The following CRACD variants were observed in gnomAD, a reference collection of about 807,000 sequenced individuals.
CRACD encodes capping protein inhibiting regulator of actin dynamics.
Under a neutral mutation model 106.8 loss-of-function variants are expected in CRACD, and 56 were observed. The ratio of observed to expected loss-of-function variants is 0.52; its 90% CI spans 0.42 to 0.66. The LOEUF (loss-of-function observed/expected upper bound fraction) is 0.66. Among genes scored for constraint, CRACD ranks in the 30% least tolerant of loss-of-function variants. CRACD has a pLI of 0.00. For synonymous variants in CRACD, 754 were observed against 670.8 expected (o/e 1.12, Z -1.92); for missense variants, 1,730 against 1,623.2 (o/e 1.07, Z -1.13).
rs538189495 is a variant in CRACD, at chr4:56,064,737, CAT to C, written c.-336+15439_-336+15440del. Among the ~76,000 whole-genome samples the C allele has an allele frequency of 8.5e-5, 13 of 152,320 alleles. No homozygotes were observed. The South Asian group carries it at 2.7e-3, about 32-fold the overall frequency. ...CTTTCACTCCCTCACACATTGTTCA[CAT>C]GTGTAGCTTCGAGTCTCTACCTTAA... On this transcript the variant is annotated intron_variant, in intron 1 of 10. Transcript: ENST00000682029.
intron 2 of CRACD, among the ~76,000 whole-genome samples, chr4:56,192,100 A>C (rs1737395787): frequency 6.6e-6 from 1 of 152,212 alleles, no homozygotes; most frequent in Non-Finnish European, 1.5e-5. Flanking sequence ...TTTATTCAAG[A>C]AGGTATACTG....
intron 1 of CRACD, among the ~76,000 whole-genome samples, chr4:56,050,474 AT>A (rs1198469710): frequency 1.3e-5 from 2 of 152,166 alleles, no homozygotes; most frequent in Admixed American, 1.3e-4. Context: ...ACCTATAGTA[AT>A]TGTGGAATTA....
chr4:56,247,221 A>G (rs1309277248), intron 2 of CRACD, among the ~76,000 whole-genome samples: 1 of 152,152 alleles, frequency 6.6e-6, no homozygotes, highest in African/African-American at 2.4e-5. Context: ...ATATAAGCTA[A>G]GAGTTGGGGC....
At chr4:56,188,094 C>T (rs1325835891) in intron 2 of CRACD, among the ~76,000 whole-genome samples, 3 of 152,152 alleles carry the variant, frequency 2.0e-5, no homozygotes, top group African/African-American at 4.8e-5. Context: ...TCACTGGGCA[C>T]ATATTTTAAG....
chr4:56,205,182 A>T (rs1200055056), intron 2 of CRACD, among the ~76,000 whole-genome samples: 1 of 152,090 alleles, frequency 6.6e-6, no homozygotes, highest in Admixed American at 6.5e-5. Context: ...ATAATTAAAA[A>T]GACATCAGAT....
At chr4:56,190,657 C>T (rs1196519750) in intron 2 of CRACD, among the ~76,000 whole-genome samples, 1 of 152,124 alleles carries the variant, frequency 6.6e-6, no homozygotes, top group African/African-American at 2.4e-5. Context: ...TTGAAGGGTA[C>T]AGCCTCCTCC....
Position 56,093,849 on chromosome 4 carries a change from C to T in CRACD, c.-336+44550C>T, listed in dbSNP as rs190944371. On this transcript the variant is annotated intron_variant, in intron 1 of 10. Transcript: ENST00000682029. The stretch of plus-strand genomic sequence containing the variant: ...CTGATGCCTTTTATTTTGGCAGAAA[C>T]GCAAAGGCCTTTCCTTCTCAGGTGG... 8.5e-5 allele frequency among the ~76,000 whole-genome samples: 13 copies of T among 152,264 alleles called. No individual in the cohort carries two copies. The East Asian group carries it at 2.5e-3, about 29-fold the overall frequency.
intron 3 of CRACD, among the ~76,000 whole-genome samples, chr4:56,284,280 C>G (rs1354769134): frequency 1.2e-5 from 1 of 85,434 alleles, no homozygotes; most frequent in Non-Finnish European, 2.3e-5. Context: ...ATAGTAAGAA[C>G]CCATCCTAAA....
chr4:56,067,305 G>A (rs1328903355), intron 1 of CRACD, among the ~76,000 whole-genome samples: 1 of 152,200 alleles, frequency 6.6e-6, no homozygotes. Context: ...GAGTATTACA[G>A]ATAAGGAGCT....
chr4:56,306,693 T>G (rs1464343255), intron 4 of CRACD, among the ~76,000 whole-genome samples: 1 of 152,206 alleles, frequency 6.6e-6, no homozygotes, highest in Non-Finnish European at 1.5e-5. Context: ...TTTGCTTTTC[T>G]AATCTGGCCT....
chr4:56,255,415 CAT>C (rs1278596026), intron 2 of CRACD, among the ~76,000 whole-genome samples: 2 of 151,888 alleles, frequency 1.3e-5, no homozygotes, highest in Non-Finnish European at 2.9e-5. Flanking sequence ...AATGTAAAGA[CAT>C]AGAAACCTTG....
chr4:56,146,523 C>T (rs1735386595), intron 1 of CRACD, among the ~76,000 whole-genome samples: 2 of 150,886 alleles, frequency 1.3e-5, no homozygotes, highest in Admixed American at 6.6e-5. Context: ...CACCCATTAA[C>T]TCGTCATTTA....
chr4:56,123,744 A>AC (rs138202701), intron 1 of CRACD, among the ~76,000 whole-genome samples: 213 of 151,916 alleles, frequency 1.4e-3, no homozygotes, highest in Middle Eastern at 3.4e-3. Context: ...CCACAGTAGT[A>AC]CCCCCCCTAC....
At chr4:56,189,185 A>G (rs937647713) in intron 2 of CRACD, among the ~76,000 whole-genome samples, 2 of 148,208 alleles carry the variant, frequency 1.3e-5, no homozygotes, top group East Asian at 3.9e-4. Context: ...CACTGTCTCA[A>G]AAAAAAAAAA....
At chr4:56,186,958 C>T (rs999838868) in intron 2 of CRACD, among the ~76,000 whole-genome samples, 2 of 151,962 alleles carry the variant, frequency 1.3e-5, no homozygotes, top group East Asian at 3.9e-4. Context: ...CCCAGCTACT[C>T]ACAGGGAGAC....
At chr4:56,121,886 A>G (rs1362914381) in intron 1 of CRACD, among the ~76,000 whole-genome samples, 1 of 152,230 alleles carries the variant, frequency 6.6e-6, no homozygotes, top group Non-Finnish European at 1.5e-5. Context: ...GATTGCAGCA[A>G]TTGTTTAGAA....
chr4:56,300,167 T>G (rs1015789574), intron 4 of CRACD, among the ~76,000 whole-genome samples: 1 of 152,182 alleles, frequency 6.6e-6, no homozygotes, highest in Admixed American at 6.5e-5. Flanking sequence ...TGTGAGGTGT[T>G]CTTGTTTCTA....
chr4:56,142,947 C>T (rs1439349426), intron 1 of CRACD, among the ~76,000 whole-genome samples: 1 of 151,790 alleles, frequency 6.6e-6, no homozygotes, highest in Admixed American at 6.6e-5. Context: ...GTGTTATATT[C>T]CATTTTACCA....
intron 3 of CRACD, among the ~76,000 whole-genome samples, chr4:56,291,296 A>T (rs1743688527): frequency 6.6e-6 from 1 of 152,184 alleles, no homozygotes; most frequent in Non-Finnish European, 1.5e-5. Context: ...AGGTCTTTAA[A>T]TGTCAAGAAT....
Sources: allele counts gnomAD v4.1 joint callset (sites outside exome capture counted in the v4.1 genomes callset), GRCh38; gene constraint gnomAD v4.1.1; transcripts MANE v1.5; gene names NCBI Gene and HGNC (gene_info 2026-07-23, HGNC 2026-07-21).